Variants in LRRC37B observed in about 807,000 individuals in gnomAD.
LRRC37B encodes leucine-rich repeat-containing protein 37B.
Under a neutral mutation model 98.3 loss-of-function variants are expected in LRRC37B, and 28 were observed. The ratio of observed to expected loss-of-function variants is 0.28; its 90% CI spans 0.21 to 0.39. The LOEUF is 0.39. Among genes scored for constraint, LRRC37B ranks in the 10% least tolerant of loss-of-function variants. LRRC37B has a pLI of 1.00. For synonymous variants in LRRC37B, 364 were observed against 442.7 expected (o/e 0.82, Z 2.23); for missense variants, 938 against 1,182.7 (o/e 0.79, Z 3.03).
chr17:32,040,343 C>T (rs905255111), intron 7 of LRRC37B: 17 of 379,046 alleles, frequency 4.5e-5, no homozygotes, highest in Admixed American at 4.2e-4. Context: ...CTGGCAAGCA[C>T]GTGGTGGGGC....
At chr17:32,040,885 T>C in intron 7 of LRRC37B, 1 of 882,818 alleles carries the variant, frequency 1.1e-6, no homozygotes, top group Non-Finnish European at 1.9e-6. Context: ...CTGAAGGGGA[T>C]CCAGCACCAC....
intron 3 of LRRC37B, among the ~76,000 whole-genome samples, chr17:32,029,792 CT>C (rs1911062850): frequency 6.6e-6 from 1 of 152,168 alleles, no homozygotes; most frequent in Non-Finnish European, 1.5e-5. Flanking sequence ...CACAGCAGTG[CT>C]GTAAGATGGA....
intron 8 of LRRC37B, 37 bp downstream of exon 11, chr17:32,045,855 ATTTTAAGTATTTGTTTTTAAAT>A: frequency 6.4e-7 from 1 of 1,569,132 alleles, no homozygotes. Context: ...TTGTTACATT[ATTTTAAGTATTTGTTTTTAAAT>A]TTTTATTTTT....
At chr17:32,047,193 G>A (rs1291321428) in intron 8 of LRRC37B, 1 of 164,274 alleles carries the variant, frequency 6.1e-6, no homozygotes, top group Non-Finnish European at 1.4e-5. Context: ...AGCAGAGAAT[G>A]GGGTGGGTGG....
At chr17:32,041,011 C>G (rs770910867) in intron 7 of LRRC37B, 18 of 789,064 alleles carry the variant, frequency 2.3e-5, no homozygotes, top group Non-Finnish European at 3.7e-5. Flanking sequence ...AAGGAGGTAG[C>G]AGAAACCAGC....
At chr17:32,027,190 G>A (rs150058785) in intron 2 of LRRC37B, among the ~76,000 whole-genome samples, 7 of 152,210 alleles carry the variant, frequency 4.6e-5, no homozygotes, top group African/African-American at 7.2e-5. Flanking sequence ...AGGTTTGGGA[G>A]AAGAGAGGAG....
At chr17:32,010,118 A>G (rs1340377842) in intron 1 of LRRC37B, among the ~76,000 whole-genome samples, 1 of 152,190 alleles carries the variant, frequency 6.6e-6, no homozygotes, top group Non-Finnish European at 1.5e-5. Flanking sequence ...CTGCTTTACC[A>G]CATTTTTTCT....
intron 5 of LRRC37B, among the ~76,000 whole-genome samples, chr17:32,034,344 A>C (rs1270606414): frequency 6.6e-6 from 1 of 151,954 alleles, no homozygotes; most frequent in Non-Finnish European, 1.5e-5. Context: ...TCTACTAAAA[A>C]TACAAAAATT....
At chr17:32,035,535 TATC>T (rs775798593) in intron 6 of LRRC37B, 27 bp from the exon 10 acceptor site, 204 of 1,592,488 alleles carry the variant, frequency 1.3e-4, no homozygotes, top group Non-Finnish European at 1.2e-5. Context: ...AATGGGTTCA[TATC>T]ATGAATGTTT....
At chr17:32,031,589 A>G in intron 5 of LRRC37B, 131 bp downstream of exon 8, 3 of 1,218,242 alleles carry the variant, frequency 2.5e-6, no homozygotes, top group Non-Finnish European at 3.3e-6. Context: ...CGTTTTTCTC[A>G]AATGGGGAAA....
At chr17:32,035,369 C>A (rs1257773710) in intron 6 of LRRC37B, among the ~76,000 whole-genome samples, 196 bp from the exon 10 acceptor site, 1 of 152,086 alleles carries the variant, frequency 6.6e-6, no homozygotes, top group Non-Finnish European at 1.5e-5. Context: ...TCTTAAATAT[C>A]ATTAATTTGA....
chr17:32,012,814 C>T (rs1364131402), intron 1 of LRRC37B, among the ~76,000 whole-genome samples: 1 of 152,254 alleles, frequency 6.6e-6, no homozygotes, highest in East Asian at 1.9e-4. Flanking sequence ...GTCAGGAGTT[C>T]GAGACCAACC....
intron 2 of LRRC37B, among the ~76,000 whole-genome samples, chr17:32,025,792 A>G (rs1910936146): frequency 6.6e-6 from 1 of 152,244 alleles, no homozygotes. Flanking sequence ...GGTGAAGACT[A>G]TGTAGATATA....
At chr17:32,021,646 A>C in exon 1 of LRRC37B, 1 of 1,614,244 alleles carries the variant, frequency 6.2e-7, no homozygotes, top group Non-Finnish European at 8.5e-7. Context: ...GCAGGTCATC[A>C]GGCAGATGAA....
chr17:32,038,087 A>G (rs1277017973), intron 7 of LRRC37B, among the ~76,000 whole-genome samples: 2 of 151,954 alleles, frequency 1.3e-5, no homozygotes, highest in Admixed American at 6.6e-5. Context: ...AGATCACGCC[A>G]CTGCACTCCA....
chr17:32,019,627 A>G (rs768289004), upstream of LRRC37B, among the ~76,000 whole-genome samples: 2 of 152,238 alleles, frequency 1.3e-5, no homozygotes, highest in African/African-American at 2.4e-5. Flanking sequence ...ATTTGGGGCT[A>G]GAGTGTTTTA....
chr17:32,041,290 G>A (rs541806194), intron 7 of LRRC37B: 61 of 758,968 alleles, frequency 8.0e-5, no homozygotes, highest in South Asian at 4.2e-4. Flanking sequence ...TCCCCTTTCC[G>A]ATCTTCCGAC....
At chr17:32,020,775 A>C, upstream of LRRC37B, 1 of 544,176 alleles carries the variant, frequency 1.8e-6, no homozygotes, top group Non-Finnish European at 2.9e-6. Context: ...CCAGAACTGG[A>C]CTAGCACTTC....
At chr17:32,012,936 G>A (rs1910568059) in intron 1 of LRRC37B, among the ~76,000 whole-genome samples, 2 of 152,196 alleles carry the variant, frequency 1.3e-5, no homozygotes, top group Admixed American at 6.5e-5. Context: ...AGAATTGCTT[G>A]AAGCCGGGAG....
Sources: allele counts gnomAD v4.1 joint callset (sites outside exome capture counted in the v4.1 genomes callset), GRCh38; gene constraint gnomAD v4.1.1; transcripts MANE v1.5; gene names NCBI Gene and HGNC (gene_info 2026-07-23, HGNC 2026-07-21).